Variants in GALNTL6 observed in about 807,000 individuals in gnomAD.
The protein encoded by GALNTL6 is polypeptide N-acetylgalactosaminyltransferase like 6.
In GALNTL6, 46 loss-of-function variants were observed where a neutral mutation model predicts 73.7. That is an observed-to-expected ratio of 0.62 (90% CI 0.49 to 0.80). GALNTL6 has a LOEUF of 0.80. Among genes scored for constraint, GALNTL6 ranks in the 30% least tolerant of loss-of-function variants. GALNTL6 has a pLI of 0.00. For synonymous variants in GALNTL6, 259 were observed against 263.7 expected (o/e 0.98, Z 0.17); for missense variants, 604 against 755.0 (o/e 0.80, Z 2.34).
At chr4:171,839,825 A>G (rs2110840958) in intron 2 of GALNTL6, among the ~76,000 whole-genome samples, 1 of 152,308 alleles carries the variant, frequency 6.6e-6, no homozygotes, top group African/African-American at 2.4e-5. Context: ...TGCTCGTATC[A>G]TGTCCTATAG....
intron 5 of GALNTL6, among the ~76,000 whole-genome samples, chr4:172,583,212 G>C (rs1048229695): frequency 4.0e-4 from 61 of 152,044 alleles, no homozygotes; most frequent in African/African-American, 1.4e-3. Context: ...ATACTCACTA[G>C]GTTTCAGGGT....
intron 8 of GALNTL6, among the ~76,000 whole-genome samples, chr4:172,915,252 G>A (rs1747440436): frequency 1.3e-5 from 2 of 152,174 alleles, no homozygotes; most frequent in Non-Finnish European, 2.9e-5. Context: ...TTAAAGCACT[G>A]TAGAGGGAAA....
At chr4:172,009,135 A>T (rs147795497) in intron 2 of GALNTL6, among the ~76,000 whole-genome samples, 50 of 152,220 alleles carry the variant, frequency 3.3e-4, no homozygotes, top group South Asian at 1.2e-3. Context: ...TATATTTCCT[A>T]AATACCTATT....
chr4:172,813,541 C>T lies in GALNTL6; in HGVS notation c.741C>T (p.Asn247=). 1 of 1,588,364 alleles carries T rather than the reference C, an allele frequency of 6.3e-7. No individual in the cohort carries two copies. The highest frequency in any genetic ancestry group is 8.6e-7 in the Non-Finnish European group (1 of 1,160,520). Residue 247 remains asparagine, a splice_region_variant and synonymous_variant, in exon 7 of 13, where the codon AAC becomes AAT. Transcript: ENST00000506823. ...CTATTTTGTGCTTTCATTTTTCAGA[C>T]CAAATTGCACTAAACCACAAAACCA... ...VNVNWLPPLL[N]QIALNHKTIV...
chr4:172,467,017 C>A (rs936154029), intron 5 of GALNTL6, among the ~76,000 whole-genome samples: 1 of 152,024 alleles, frequency 6.6e-6, no homozygotes, highest in African/African-American at 2.4e-5. Flanking sequence ...GGGAGGATGC[C>A]CAGAATTTAA....
intron 10 of GALNTL6, among the ~76,000 whole-genome samples, chr4:172,972,829 A>T (rs1750643066): frequency 6.6e-6 from 1 of 152,234 alleles, no homozygotes; most frequent in African/African-American, 2.4e-5. Flanking sequence ...ATTAATTAAA[A>T]CAAATTGAAT....
intron 2 of GALNTL6, among the ~76,000 whole-genome samples, chr4:171,950,616 A>T (rs1481023183): frequency 6.6e-6 from 1 of 151,534 alleles, no homozygotes; most frequent in African/African-American, 2.4e-5. Context: ...AGTAGCTGGG[A>T]CTACAGGCGG....
chr4:172,298,715 G>A (rs563270098), intron 3 of GALNTL6, among the ~76,000 whole-genome samples: 3 of 152,290 alleles, frequency 2.0e-5, no homozygotes, highest in African/African-American at 7.2e-5. Flanking sequence ...CAGGGATGAA[G>A]CCCACTTGAT....
chr4:172,176,554 C>T (rs2110837159), intron 2 of GALNTL6, among the ~76,000 whole-genome samples: 1 of 151,800 alleles, frequency 6.6e-6, no homozygotes, highest in East Asian at 1.9e-4. Flanking sequence ...GTTTTAGAGG[C>T]CAAGGCAGGA....
intron 7 of GALNTL6, among the ~76,000 whole-genome samples, chr4:172,882,088 G>C (rs1745485264): frequency 6.6e-6 from 1 of 151,734 alleles, no homozygotes; most frequent in Non-Finnish European, 1.5e-5. Context: ...GGCCTACCAA[G>C]TGGTTATAAT....
intron 2 of GALNTL6, among the ~76,000 whole-genome samples, chr4:172,123,479 A>T (rs1344275039): frequency 2.7e-5 from 4 of 150,702 alleles, no homozygotes; most frequent in Non-Finnish European, 5.9e-5. Context: ...GTTAAGAATC[A>T]ATAGTTTCAA....
At chr4:171,937,990 C>T (rs1032743895) in intron 2 of GALNTL6, among the ~76,000 whole-genome samples, 3 of 152,172 alleles carry the variant, frequency 2.0e-5, no homozygotes, top group Non-Finnish European at 2.9e-5. Flanking sequence ...TGTTTCTCGC[C>T]GTTCTGCCAT....
rs70941381 is a variant in GALNTL6, at chr4:172,087,444, C to CAAAAAAAAA, written c.139-142206_139-142198dup. ...TGGGCAACAGAGTTAGACTCCATCC[C>CAAAAAAAAA]AAAAAAAAAAAAAACAAAAAAAACA... On this transcript the variant is annotated intron_variant, in intron 2 of 12. Coordinates refer to ENST00000506823, the MANE Select transcript of GALNTL6 (RefSeq NM_001034845.3). 7.0e-5 allele frequency among the ~76,000 whole-genome samples: 7 copies of CAAAAAAAAA among 100,448 alleles called. 1 individual carries two copies. The highest frequency in any genetic ancestry group is 1.2e-4 in the Non-Finnish European group (6 of 50,998). The allele number at this position is 100,448 out of a possible 152,430, so 65.9% of individuals were successfully genotyped here. A position where few individuals can be genotyped will look rare whatever the true frequency, so the allele number is the denominator to read the frequency against.
At chr4:172,192,026 TTTA>T (rs1278057252) in intron 2 of GALNTL6, among the ~76,000 whole-genome samples, 2 of 152,032 alleles carry the variant, frequency 1.3e-5, no homozygotes, top group African/African-American at 2.4e-5. Context: ...TAAATGTTTG[TTTA>T]TTATTTCTAA....
At chr4:172,652,727 T>C (rs1240119420) in intron 5 of GALNTL6, among the ~76,000 whole-genome samples, 1 of 152,202 alleles carries the variant, frequency 6.6e-6, no homozygotes, top group Non-Finnish European at 1.5e-5. Context: ...CTGAAATGGG[T>C]ATTGAACTAA....
chr4:172,634,218 A>G (rs890096693), intron 5 of GALNTL6, among the ~76,000 whole-genome samples: 2 of 152,122 alleles, frequency 1.3e-5, no homozygotes, highest in Non-Finnish European at 2.9e-5. Flanking sequence ...TCTCATCTGG[A>G]GTGTTTTCTC....
intron 4 of GALNTL6, among the ~76,000 whole-genome samples, chr4:172,337,407 G>T (rs528212410): frequency 4.6e-5 from 7 of 152,232 alleles, no homozygotes; most frequent in African/African-American, 1.4e-4. Context: ...TGTGTTTGTG[G>T]TAGCAGGTGT....
intron 3 of GALNTL6, among the ~76,000 whole-genome samples, chr4:172,239,015 A>T (rs563121914): frequency 6.6e-6 from 1 of 151,994 alleles, no homozygotes; most frequent in Non-Finnish European, 1.5e-5. Flanking sequence ...GTATTTTATT[A>T]AGGATTTTTG....
intron 2 of GALNTL6, among the ~76,000 whole-genome samples, chr4:172,164,129 A>C (rs2110800030): frequency 6.6e-6 from 1 of 152,134 alleles, no homozygotes; most frequent in South Asian, 2.1e-4. Context: ...TGGCCAATGA[A>C]TAACTTTTGA....
Sources: allele counts gnomAD v4.1 joint callset (sites outside exome capture counted in the v4.1 genomes callset), GRCh38; gene constraint gnomAD v4.1.1; transcripts MANE v1.5; gene names NCBI Gene and HGNC (gene_info 2026-07-23, HGNC 2026-07-21).